Variants in RHOBTB1 observed in about 807,000 individuals in gnomAD.
The protein encoded by RHOBTB1 is Rho related BTB domain containing 1.
In RHOBTB1, 40 loss-of-function variants were observed where a neutral mutation model predicts 71.6. The observed-to-expected ratio is 0.56, with a 90% CI of 0.43 to 0.73. The LOEUF (loss-of-function observed/expected upper bound fraction) is 0.73, where lower values mean the gene tolerates loss of function less well. RHOBTB1 is among the 30% of genes least tolerant of loss of function. The probability of loss-of-function intolerance (pLI) is 0.00; values close to 1 mark genes in which losing one functional copy is unlikely to be tolerated. For synonymous variants in RHOBTB1, 319 were observed against 334.9 expected (o/e 0.95, Z 0.52); for missense variants, 797 against 894.0 (o/e 0.89, Z 1.38).
chr10:60,994,261 T>A (rs1416948184), intron 1 of RHOBTB1, among the ~76,000 whole-genome samples: 1 of 152,024 alleles, frequency 6.6e-6, no homozygotes, highest in Non-Finnish European at 1.5e-5. Flanking sequence ...CCAGTAAGGA[T>A]GAGGATAAGC....
chr10:60,901,396 C>A (rs2082407767), intron 4 of RHOBTB1, among the ~76,000 whole-genome samples: 1 of 152,036 alleles, frequency 6.6e-6, no homozygotes, highest in Non-Finnish European at 1.5e-5. Context: ...TATTATCAGA[C>A]AAATATAATT....
chr10:60,974,911 T>A (rs1440646776), intron 2 of RHOBTB1, among the ~76,000 whole-genome samples: 1 of 151,604 alleles, frequency 6.6e-6, no homozygotes, highest in African/African-American at 2.4e-5. Context: ...GATGACTGTA[T>A]TTTTTATAAG....
intron 8 of RHOBTB1, among the ~76,000 whole-genome samples, chr10:60,875,889 G>T (rs1193720180): frequency 6.6e-6 from 1 of 152,172 alleles, no homozygotes; most frequent in Admixed American, 6.5e-5. Context: ...GACGTGTGAG[G>T]GTACAGCCTT....
rs533392161 is a variant in RHOBTB1, at chr10:60,942,647, T to G, written c.-61-793A>C. On this transcript the variant is annotated intron_variant, in intron 1 of 10. Coordinates refer to ENST00000337910, the MANE Select transcript of RHOBTB1 (RefSeq NM_014836.5). Reference sequence around the variant, plus strand: ...ATGCTGAAAAGAGCTTGTGTTTATTTTCTAGCAACCAGTGACTCTCTTAGG... The same window carrying G: ...ATGCTGAAAAGAGCTTGTGTTTATTGTCTAGCAACCAGTGACTCTCTTAGG... 2.8e-4 allele frequency among the ~76,000 whole-genome samples: 42 copies of G among 152,342 alleles called. No homozygotes were observed. In the South Asian group the frequency reaches 8.5e-3, roughly 31 times the overall value.
At chr10:60,938,440 C>T (rs913269140) in intron 2 of RHOBTB1, among the ~76,000 whole-genome samples, 1 of 152,094 alleles carries the variant, frequency 6.6e-6, no homozygotes, top group Non-Finnish European at 1.5e-5. Context: ...TCTCTGGGTG[C>T]CAGTGTTTTC....
Position 60,972,212 on chromosome 10 carries a change from C to T in RHOBTB1, c.-62+13633G>A, listed in dbSNP as rs183970273. Among the ~76,000 whole-genome samples, 652 of 152,072 alleles carry T rather than the reference C, an allele frequency of 4.3e-3. 1 individual carries two copies. The highest frequency in any genetic ancestry group is 7.1e-3 in the Non-Finnish European group (484 of 67,928). On this transcript the variant is annotated intron_variant, in intron 2 of 11. Coordinates refer to the RHOBTB1 transcript ENST00000357917. ...GAGTTTATACCCAAATGATTATAAA[C>T]CATTCTACTATAGACACAAGCACAT...
chr10:60,944,861 G>T (rs1209130830), upstream of RHOBTB1, among the ~76,000 whole-genome samples: 1 of 152,166 alleles, frequency 6.6e-6, no homozygotes, highest in African/African-American at 2.4e-5. Flanking sequence ...TCCCCCCAGG[G>T]GGCGTAGGGA....
chr10:60,880,177 C>CTGTGTGTG lies in RHOBTB1; in HGVS notation c.1576-2127_1576-2120dup, dbSNP rs1554829436. Among the ~76,000 whole-genome samples the CTGTGTGTG allele has an allele frequency of 2.1e-4, 21 of 100,632 alleles. No individual in the cohort carries two copies. In the East Asian group the frequency reaches 4.6e-3, roughly 22 times the overall value. 66.0% of individuals were successfully genotyped at this position (100,632 alleles called of 152,430 possible). On this transcript the variant is annotated intron_variant, in intron 7 of 10. Coordinates refer to ENST00000337910, the MANE Select transcript of RHOBTB1 (RefSeq NM_014836.5). ...GTCCCTCACAGATACTGAGGGATGA[C>CTGTGTGTG]TGTGTGTGTGTGTGTGTGTGTGTGT...
intron 4 of RHOBTB1, 25 bp from the exon 5 acceptor site, chr10:60,893,020 T>C (rs1186212546): frequency 1.9e-6 from 3 of 1,581,838 alleles, no homozygotes; most frequent in Non-Finnish European, 2.6e-6. Context: ...TAAAAGAAGC[T>C]TGTATTGCCT....
intron 1 of RHOBTB1, among the ~76,000 whole-genome samples, chr10:61,000,758 T>C (rs2087234430): frequency 6.6e-6 from 1 of 152,026 alleles, no homozygotes; most frequent in Non-Finnish European, 1.5e-5. Flanking sequence ...TGCTCCAAAA[T>C]ACCCCATCTC....
chr10:60,869,813 T>C lies in RHOBTB1; in HGVS notation c.*1669A>G, dbSNP rs1362596708. 6.6e-6 allele frequency: 1 copy of C among 152,644 alleles called. No individual in the cohort carries two copies. Among genetic ancestry groups the C allele is most frequent in the Non-Finnish European group, 1.5e-5 (1 of 68,028 alleles). The allele number at this position is 152,644 out of a possible 1,614,324, so 9.5% of individuals were successfully genotyped here. ...AGATGGATGCATTTGTAACTATCCC[T>C]ACTCTACTGCCTTCTCTTTTGTCAT... is the stretch of plus-strand genomic sequence containing the variant. On this transcript the variant is annotated 3_prime_UTR_variant, in exon 11 of 11. Transcript: ENST00000337910.
At position 60,911,525 on chromosome 10, in the gene RHOBTB1, G is replaced by A. The variant is rs377643031; in HGVS notation, c.18C>T (p.Asp6=). 20 of 1,613,968 alleles carry A rather than the reference G, an allele frequency of 1.2e-5. No individual in the cohort carries two copies. The highest frequency in any genetic ancestry group is 6.7e-5 in the African/African-American group (5 of 74,922). The change falls in exon 3 of 11, where the codon GAC becomes GAT. Residue 6 remains aspartate, a synonymous_variant. Transcript: ENST00000337910. ...TAGTTTCAACGTTGGGTCTTTCGTAGTCCATGTCAGCGTCCATTTATGAAA... is the reference window on the plus strand; with the variant it reads ...TAGTTTCAACGTTGGGTCTTTCGTAATCCATGTCAGCGTCCATTTATGAAA... MDADM[D]YERPNVETIK... is the part of the protein sequence containing the mutation.
At chr10:60,862,181 C>CT in the RHOBTB1 span, among the ~76,000 whole-genome samples, 3 of 144,514 alleles carry the variant, frequency 2.1e-5, no homozygotes, top group Admixed American at 1.4e-4. Context: ...TCTTTCTTTT[C>CT]TTTTTTTTCT....
At chr10:60,867,266 T>A (rs2080638913), downstream of RHOBTB1, among the ~76,000 whole-genome samples, 1 of 152,226 alleles carries the variant, frequency 6.6e-6, no homozygotes, top group Non-Finnish European at 1.5e-5. Flanking sequence ...TTATTTTTTA[T>A]CATATTGGGA....
At chr10:60,992,789 T>C (rs888079667) in intron 1 of RHOBTB1, among the ~76,000 whole-genome samples, 1 of 152,182 alleles carries the variant, frequency 6.6e-6, no homozygotes, top group African/African-American at 2.4e-5. Context: ...CCATCTGATT[T>C]TGATCTAACA....
chr10:60,862,159 CCT>C, the RHOBTB1 span, among the ~76,000 whole-genome samples: 3 of 148,628 alleles, frequency 2.0e-5, no homozygotes, highest in African/African-American at 5.0e-5. Context: ...CTTTTTCTTT[CCT>C]CTCTCTCTTT....
At chr10:60,916,282 T>G (rs532334854) in intron 2 of RHOBTB1, among the ~76,000 whole-genome samples, 2 of 152,270 alleles carry the variant, frequency 1.3e-5, no homozygotes, top group African/African-American at 4.8e-5. Flanking sequence ...GGATGAGAAT[T>G]CACATTGAAA....
chr10:60,950,008 AGTTT>A (rs1361898002), intron 2 of RHOBTB1, among the ~76,000 whole-genome samples: 1 of 152,166 alleles, frequency 6.6e-6, no homozygotes, highest in Non-Finnish European at 1.5e-5. Context: ...GGGTAGGGTG[AGTTT>A]GGTAAAAATG....
intron 2 of RHOBTB1, among the ~76,000 whole-genome samples, chr10:60,927,309 T>G (rs1028680112): frequency 6.6e-6 from 1 of 152,190 alleles, no homozygotes; most frequent in African/African-American, 2.4e-5. Context: ...CTGACTCAAG[T>G]GTTAATCTCC....
Sources: allele counts gnomAD v4.1 joint callset (sites outside exome capture counted in the v4.1 genomes callset), GRCh38; gene constraint gnomAD v4.1.1; transcripts MANE v1.5; gene names NCBI Gene and HGNC (gene_info 2026-07-23, HGNC 2026-07-21).